Variants in RTL9 observed in about 807,000 individuals in gnomAD.
RTL9 encodes the protein retrotransposon Gag like 9, also known as retrotransposon Gag-like protein 9.
A neutral mutation model predicts 44.7 loss-of-function variants in RTL9; 19 were observed. The observed-to-expected ratio is 0.42, with a 90% CI of 0.30 to 0.62. RTL9 has a LOEUF of 0.62. RTL9 is among the 20% of genes least tolerant of loss of function. The pLI is 0.16. For missense variants in RTL9, 1,105 were observed against 1,080.6 expected, an observed-to-expected ratio of 1.02 and a Z score of -0.32; for synonymous variants, 407 against 398.9, an observed-to-expected ratio of 1.02 and a Z score of -0.24.
exon 1 of RTL9, chrX:110,452,640 G>A (rs1289103196): frequency 2.5e-6 from 3 of 1,209,152 alleles, no homozygotes; most frequent in Non-Finnish European, 3.4e-6. Flanking sequence ...GAGAGACACA[G>A]CTTCTGGAGC....
chrX:110,385,463 C>A (rs1303056373), intron 1 of RTL9, among the ~76,000 whole-genome samples: 2 of 111,207 alleles, frequency 1.8e-5, no homozygotes, highest in African/African-American at 6.5e-5. Flanking sequence ...AGAAAATATT[C>A]ATTACCCCAA....
intron 1 of RTL9, among the ~76,000 whole-genome samples, chrX:110,369,777 A>G (rs2068324811): frequency 8.9e-6 from 1 of 111,782 alleles, no homozygotes; most frequent in African/African-American, 3.3e-5. Flanking sequence ...TATTTTTTAT[A>G]TTTCTTTTTT....
At chrX:110,396,662 A>G (rs1347645772) in intron 1 of RTL9, among the ~76,000 whole-genome samples, 1 of 112,338 alleles carries the variant, frequency 8.9e-6, no homozygotes, top group Non-Finnish European at 1.9e-5. Flanking sequence ...TCCCTGTTTT[A>G]CAAAGAAGAA....
At chrX:110,395,089 G>A (rs1201378454) in intron 1 of RTL9, among the ~76,000 whole-genome samples, 1 of 112,654 alleles carries the variant, frequency 8.9e-6, no homozygotes, top group Non-Finnish European at 1.9e-5. Context: ...TGGAAGGTGG[G>A]GAGTGTATGT....
intron 1 of RTL9, among the ~76,000 whole-genome samples, chrX:110,424,416 C>A: frequency 9.0e-6 from 1 of 111,717 alleles, no homozygotes; most frequent in Non-Finnish European, 1.9e-5. Context: ...AACCCAGCTA[C>A]CAGTTGTAGA....
chrX:110,397,785 G>A (rs1467473571), intron 1 of RTL9, among the ~76,000 whole-genome samples: 1 of 112,129 alleles, frequency 8.9e-6, no homozygotes. Flanking sequence ...GCAGAGATGT[G>A]AAAAGGAAGT....
chrX:110,375,504 C>T (rs750485531), intron 1 of RTL9, among the ~76,000 whole-genome samples: 1 of 110,935 alleles, frequency 9.0e-6, no homozygotes, highest in African/African-American at 3.3e-5. Context: ...GGGCCTAGAA[C>T]GTAGTAGGGG....
At chrX:110,423,834 G>A (rs2068736149) in intron 1 of RTL9, among the ~76,000 whole-genome samples, 1 of 112,302 alleles carries the variant, frequency 8.9e-6, no homozygotes, top group African/African-American at 3.2e-5. Flanking sequence ...GACGTTAGGT[G>A]TTGCATGGTA....
At chrX:110,361,526 T>C (rs759895972) in intron 1 of RTL9, among the ~76,000 whole-genome samples, 1 of 111,593 alleles carries the variant, frequency 9.0e-6, no homozygotes, top group Non-Finnish European at 1.9e-5. Flanking sequence ...GCTTCCCATC[T>C]GACACTCAGT....
At chrX:110,439,379 C>T (rs1211068750) in intron 1 of RTL9, among the ~76,000 whole-genome samples, 7 of 112,239 alleles carry the variant, frequency 6.2e-5, no homozygotes, top group Non-Finnish European at 3.8e-5. Context: ...TTTCTAACTG[C>T]GTTGAGAATT....
chrX:110,387,052 AG>A (rs2068460650), intron 1 of RTL9, among the ~76,000 whole-genome samples: 1 of 112,474 alleles, frequency 8.9e-6, no homozygotes, highest in African/African-American at 3.2e-5. Flanking sequence ...TGAGGTGGTC[AG>A]GGGAAGCTTT....
intron 1 of RTL9, among the ~76,000 whole-genome samples, chrX:110,402,598 T>C (rs2068572672): frequency 8.9e-6 from 1 of 112,386 alleles, no homozygotes; most frequent in African/African-American, 3.2e-5. Flanking sequence ...AACAGATGTG[T>C]GCTTTGGAAT....
intron 1 of RTL9, among the ~76,000 whole-genome samples, chrX:110,393,964 A>G (rs1255965593): frequency 8.9e-6 from 1 of 112,573 alleles, no homozygotes; most frequent in African/African-American, 3.2e-5. Context: ...ATAATAAATG[A>G]CACGATAGGA....
rs757201429 is a variant in RTL9, at chrX:110,364,340, A to ATT, written c.-168+5427_-168+5428dup. Among the ~76,000 whole-genome samples, 7 of 111,406 alleles carry ATT rather than the reference A, an allele frequency of 6.3e-5. No individual in the cohort carries two copies. The East Asian group carries it at 2.0e-3, about 31-fold the overall frequency. On this transcript the variant is annotated intron_variant, in intron 1 of 2. Transcript: ENST00000520821. The stretch of plus-strand genomic sequence containing the variant: ...AGAGTCATATTCTAAATAAGTTCAC[A>ATT]TTTTGCAGTTCCAGTTGGATGTAAC...
At chrX:110,377,305 C>T (rs2068383556) in intron 1 of RTL9, among the ~76,000 whole-genome samples, 1 of 111,623 alleles carries the variant, frequency 9.0e-6, no homozygotes, top group Non-Finnish European at 1.9e-5. Context: ...TATTTGTCCG[C>T]AAACCCCACC....
intron 1 of RTL9, among the ~76,000 whole-genome samples, chrX:110,434,663 T>C (rs2068823155): frequency 9.0e-6 from 1 of 111,366 alleles, no homozygotes; most frequent in African/African-American, 3.3e-5. Context: ...GGGAGACAGA[T>C]GACAAGGTCT....
chrX:110,401,050 C>T lies in RTL9; in HGVS notation c.-168+42134C>T, dbSNP rs148209441. On this transcript the variant is annotated intron_variant, in intron 1 of 2. Transcript: ENST00000520821. ...TGAACCATTTACACAAACAATCTCA[C>T]GTCTCAAGTCGATGTTTTTATTTTC... 1.7e-3 allele frequency among the ~76,000 whole-genome samples: 196 copies of T among 112,298 alleles called. 1 individual carries two copies. In the East Asian group the frequency reaches 0.042, roughly 24 times the overall value.
chrX:110,361,728 C>T (rs1038886232), intron 1 of RTL9, among the ~76,000 whole-genome samples: 3 of 112,388 alleles, frequency 2.7e-5, no homozygotes, highest in Non-Finnish European at 5.6e-5. Flanking sequence ...ACTTTGAATA[C>T]TAGCAGATGT....
At chrX:110,425,204 A>T (rs866353503) in intron 1 of RTL9, among the ~76,000 whole-genome samples, 1 of 112,822 alleles carries the variant, frequency 8.9e-6, no homozygotes, top group African/African-American at 3.2e-5. Flanking sequence ...AATAGCAATT[A>T]GTAGGTAGAA....
Sources: gnomAD v4.1 joint callset for allele counts (sites outside exome capture counted in the v4.1 genomes callset) on GRCh38, gnomAD v4.1.1 for gene constraint, MANE v1.5 for transcripts, NCBI Gene and HGNC (gene_info 2026-07-23, HGNC 2026-07-21) for gene names.